Variants in TBC1D14 observed in about 807,000 individuals in gnomAD.
TBC1D14 encodes the protein TBC1 domain family member 14, also known as TBC1 domain family, member 14.
A neutral mutation model predicts 79.0 loss-of-function variants in TBC1D14; 26 were observed. The ratio of observed to expected loss-of-function variants is 0.33; its 90% CI spans 0.24 to 0.46. The LOEUF (loss-of-function observed/expected upper bound fraction) is 0.46, where lower values mean the gene tolerates loss of function less well. TBC1D14 is among the 20% of genes least tolerant of loss of function. The pLI, the probability that TBC1D14 is intolerant of heterozygous loss-of-function variation, is 1.00. For synonymous variants in TBC1D14, 394 were observed against 349.9 expected (o/e 1.13, Z -1.40); for missense variants, 769 against 887.6 (o/e 0.87, Z 1.70).
chr4:7,013,471 C>T (rs556056650), intron 11 of TBC1D14, among the ~76,000 whole-genome samples: 5 of 152,394 alleles, frequency 3.3e-5, no homozygotes, highest in Middle Eastern at 6.8e-3. Context: ...GTGCTGCCCC[C>T]AGTCCAGCTG....
intron 3 of TBC1D14, among the ~76,000 whole-genome samples, chr4:6,991,904 C>T (rs189292205): frequency 6.6e-6 from 1 of 152,330 alleles, no homozygotes; most frequent in Non-Finnish European, 1.5e-5. Context: ...GGTCATGACT[C>T]AAGGCTTTTA....
rs1724058637 is a variant in TBC1D14 at position 6,923,822 on chromosome 4, T to G, written c.433T>G (p.Ser145Ala). ...CTCGGTAAAGCTCTATAGCCCGACC[T>G]CCAAAGCCCTGACCCGCAGCGATGA... ...YDSVKLYSPT[S>A]KALTRSDDVS... is the part of the protein sequence containing the mutation. The change falls in exon 2 of 14, where the codon TCC (serine) becomes GCC (alanine). Residue 145 changes from serine to alanine, a missense_variant. This residue lies in a region of TBC1D14 where 402 missense variants were observed against 393.2 expected (regional missense o/e 1.02). Transcript: ENST00000409757. 1.2e-6 allele frequency: 2 copies of G among 1,614,114 alleles called. No homozygotes were observed. Among genetic ancestry groups the G allele is most frequent in the Admixed American group, 3.3e-5 (2 of 60,022 alleles).
chr4:7,013,588 C>T (rs1187493595), intron 11 of TBC1D14, among the ~76,000 whole-genome samples: 3 of 152,160 alleles, frequency 2.0e-5, no homozygotes, highest in African/African-American at 7.2e-5. Flanking sequence ...GCTGTAACGC[C>T]CTCCTTTCCT....
chr4:6,929,728 A>G (rs1194124689), intron 2 of TBC1D14, among the ~76,000 whole-genome samples: 1 of 152,188 alleles, frequency 6.6e-6, no homozygotes, highest in Non-Finnish European at 1.5e-5. Flanking sequence ...ATAAGATGAA[A>G]GTCTGCACAG....
At chr4:6,971,669 AG>A (rs1716242137) in intron 3 of TBC1D14, among the ~76,000 whole-genome samples, 1 of 152,212 alleles carries the variant, frequency 6.6e-6, no homozygotes, top group Non-Finnish European at 1.5e-5. Context: ...CGGTCCCCGG[AG>A]TAGTCACATC....
intron 2 of TBC1D14, among the ~76,000 whole-genome samples, chr4:6,938,049 G>A (rs1440194228): frequency 6.6e-6 from 1 of 152,140 alleles, no homozygotes; most frequent in Non-Finnish European, 1.5e-5. Context: ...GGTGCTGGGT[G>A]GGGAGAGGGA....
intron 1 of TBC1D14, among the ~76,000 whole-genome samples, chr4:6,919,102 C>T (rs895033873): frequency 6.6e-6 from 1 of 151,592 alleles, no homozygotes; most frequent in African/African-American, 2.4e-5. Flanking sequence ...AGTTTTTGCT[C>T]TATAGGTTGG....
intron 12 of TBC1D14, among the ~76,000 whole-genome samples, chr4:7,023,684 C>G (rs1185862551): frequency 6.6e-6 from 1 of 152,202 alleles, no homozygotes; most frequent in African/African-American, 2.4e-5. Context: ...GGTTCAGAGT[C>G]TGGCTCGGGA....
intron 2 of TBC1D14, among the ~76,000 whole-genome samples, chr4:6,933,442 TCACAGA>T (rs1446630346): frequency 6.6e-6 from 1 of 151,174 alleles, no homozygotes; most frequent in Non-Finnish European, 1.5e-5. Flanking sequence ...ACAACTAGGA[TCACAGA>T]CGTGCGCCAT....
At chr4:6,955,487 G>T (rs1714542749) in intron 2 of TBC1D14, among the ~76,000 whole-genome samples, 2 of 152,150 alleles carry the variant, frequency 1.3e-5, no homozygotes, top group Non-Finnish European at 2.9e-5. Flanking sequence ...ATAGTGCCCT[G>T]CACCAGGTAA....
intron 9 of TBC1D14, among the ~76,000 whole-genome samples, chr4:7,009,324 G>C (rs941309761): frequency 1.1e-4 from 17 of 152,256 alleles, no homozygotes; most frequent in African/African-American, 4.1e-4. Flanking sequence ...ATAAGAGCAA[G>C]TGGAAATGTT....
At chr4:6,918,235 T>C (rs1055512923) in intron 1 of TBC1D14, among the ~76,000 whole-genome samples, 3 of 152,252 alleles carry the variant, frequency 2.0e-5, no homozygotes, top group Non-Finnish European at 2.9e-5. Context: ...GTCCTTGGAT[T>C]GCCATGAATG....
At chr4:6,919,586 T>C (rs191946964) in intron 1 of TBC1D14, among the ~76,000 whole-genome samples, 2 of 152,264 alleles carry the variant, frequency 1.3e-5, no homozygotes, top group Admixed American at 1.3e-4. Context: ...ACTCACTGGG[T>C]CGTATTTCAA....
intron 3 of TBC1D14, among the ~76,000 whole-genome samples, chr4:6,974,906 T>G (rs1560297616): frequency 3.3e-5 from 5 of 152,076 alleles, no homozygotes; most frequent in African/African-American, 7.2e-5. Flanking sequence ...TGTTTGTTTG[T>G]TTTTGTTTTG....
intron 2 of TBC1D14, among the ~76,000 whole-genome samples, chr4:6,947,132 G>A (rs907347696): frequency 1.5e-4 from 23 of 151,124 alleles, no homozygotes; most frequent in Admixed American, 1.3e-3. Context: ...AGGCCGAGGC[G>A]GGCGGATCAC....
chr4:6,947,768 G>T (rs1713627376), intron 2 of TBC1D14, among the ~76,000 whole-genome samples: 1 of 152,126 alleles, frequency 6.6e-6, no homozygotes, highest in African/African-American at 2.4e-5. Context: ...ATTTCAAGGA[G>T]AGTATGACTT....
intron 2 of TBC1D14, among the ~76,000 whole-genome samples, chr4:6,964,712 A>G (rs1715546793): frequency 6.6e-6 from 1 of 152,156 alleles, no homozygotes; most frequent in African/African-American, 2.4e-5. Flanking sequence ...TATAAATAGA[A>G]ATTACCTTGG....
chr4:6,942,664 G>C (rs778619736), intron 2 of TBC1D14, among the ~76,000 whole-genome samples: 1 of 152,172 alleles, frequency 6.6e-6, no homozygotes, highest in African/African-American at 2.4e-5. Context: ...CACATTTTCT[G>C]TGGTGGGAGG....
chr4:6,933,875 A>G (rs1365207992), intron 2 of TBC1D14, among the ~76,000 whole-genome samples: 1 of 152,164 alleles, frequency 6.6e-6, no homozygotes, highest in Non-Finnish European at 1.5e-5. Context: ...AGTCCAGACA[A>G]GAGGTGATGA....
Sources: allele counts gnomAD v4.1 joint callset (sites outside exome capture counted in the v4.1 genomes callset), GRCh38; gene constraint gnomAD v4.1.1; regional missense constraint gnomAD v4.1.1; transcripts MANE v1.5; gene names NCBI Gene and HGNC (gene_info 2026-07-23, HGNC 2026-07-21).